CCDC47: variants seen among roughly 807,000 people sequenced by gnomAD.
CCDC47 encodes coiled-coil domain containing 47.
CCDC47 carries 41 observed loss-of-function variants against 60.5 expected under a neutral mutation model. The ratio of observed to expected loss-of-function variants is 0.68; its 90% CI spans 0.53 to 0.88. CCDC47 has a LOEUF of 0.88. Among genes scored for constraint, CCDC47 ranks in the 40% least tolerant of loss-of-function variants. The probability of loss-of-function intolerance (pLI) is 0.00; values close to 1 mark genes in which losing one functional copy is unlikely to be tolerated. For missense variants in CCDC47, 513 were observed against 580.9 expected (o/e 0.88, Z 1.20); for synonymous variants, 195 against 190.7 (o/e 1.02, Z -0.18).
chr17:63,750,502 C>T (rs1185646287), intron 12 of CCDC47, among the ~76,000 whole-genome samples: 5 of 152,108 alleles, frequency 3.3e-5, no homozygotes, highest in Non-Finnish European at 5.9e-5. Flanking sequence ...TTCTTGGACA[C>T]GTGACCCCTT....
rs754918316 is a variant in CCDC47 at position 63,752,066 on chromosome 17, C to G, written c.1245G>C (p.Glu415Asp). ...KADKNRARVE[E>D]NFLKLTHVQR... ...GCACATGTGTCAGTTTCAAGAAGTT[C>G]TCTTCTACTCGGGCACGGTTCTTAT... Residue 415 changes from glutamate to aspartate, a missense_variant, in exon 12 of 13, where the codon GAG (glutamate) becomes GAC (aspartate). Coordinates refer to ENST00000225726, the MANE Select transcript of CCDC47 (RefSeq NM_020198.3). 1.9e-6 allele frequency: 3 copies of G among 1,613,792 alleles called. No individual in the cohort carries two copies. Among genetic ancestry groups the G allele is most frequent in the South Asian group, 1.1e-5 (1 of 91,066 alleles).
At chr17:63,773,369 T>A (rs1010966908) in intron 1 of CCDC47, 43 bp downstream of exon 1, 1 of 152,298 alleles carries the variant, frequency 6.6e-6, no homozygotes, top group African/African-American at 2.4e-5. Context: ...CCGCTCGGCC[T>A]GGCCCGGCCA....
intron 6 of CCDC47, among the ~76,000 whole-genome samples, chr17:63,760,051 A>C: frequency 7.5e-6 from 1 of 133,678 alleles, no homozygotes; most frequent in South Asian, 2.6e-4. Flanking sequence ...CAACAGAGCA[A>C]GACTCCGTCT....
At chr17:63,760,851 AAAG>A in intron 6 of CCDC47, 60 bp downstream of exon 6, 90 of 1,219,948 alleles carry the variant, frequency 7.4e-5, no homozygotes, top group Middle Eastern at 1.9e-4. Context: ...AAAAAAAAAA[AAAG>A]AAAGAAAGAA....
At chr17:63,764,879 T>C (rs1169997945) in intron 2 of CCDC47, 32 bp from the exon 3 acceptor site, 1 of 1,597,528 alleles carries the variant, frequency 6.3e-7, no homozygotes, top group Non-Finnish European at 8.5e-7. Context: ...CGTTTTCCTC[T>C]ACAAATGTCA....
At chr17:63,749,291 C>G (rs2039144229) in intron 12 of CCDC47, among the ~76,000 whole-genome samples, 1 of 151,462 alleles carries the variant, frequency 6.6e-6, no homozygotes, top group Non-Finnish European at 1.5e-5. Context: ...ACCTGTAATC[C>G]CAGCTGAGGC....
At chr17:63,748,048 TTTC>T (rs1055908629) in intron 12 of CCDC47, among the ~76,000 whole-genome samples, 2 of 148,252 alleles carry the variant, frequency 1.3e-5, no homozygotes, top group Non-Finnish European at 2.9e-5. Flanking sequence ...AGAGACGGGG[TTTC>T]ACCATGTTGG....
At chr17:63,767,823 T>A (rs1481848076) in intron 1 of CCDC47, among the ~76,000 whole-genome samples, 1 of 152,180 alleles carries the variant, frequency 6.6e-6, no homozygotes, top group African/African-American at 2.4e-5. Context: ...GGTATCTGAA[T>A]TTCTCTATTC....
In CCDC47 at chr17:63,752,415, T is replaced by C; in HGVS notation, c.1108A>G (p.Asn370Asp). ...GCCTCCATATCCTTTGGGTAAGTGT[T>C]ACCTGAGCCAGGCACTGGAAAACAA... The part of the protein sequence containing the change: ...LFTFNVPGSG[N>D]TYPKDMEALL... Residue 370 changes from asparagine to aspartate, a missense_variant, in exon 11 of 13, where the codon AAC becomes GAC. Asn to Asp is a conservative substitution (Grantham distance 23, BLOSUM62 1). Transcript: ENST00000225726. The C allele has an allele frequency of 6.2e-7, 1 of 1,611,432 alleles. No homozygotes were observed.
intron 4 of CCDC47, 84 bp from the exon 5 acceptor site, chr17:63,761,435 A>G: frequency 6.7e-7 from 1 of 1,488,016 alleles, no homozygotes. Flanking sequence ...TAATCCCAGC[A>G]CTTTGGGAGG....
At chr17:63,747,794 A>G (rs1001778123) in intron 12 of CCDC47, 68 of 985,144 alleles carry the variant, frequency 6.9e-5, no homozygotes, top group Non-Finnish European at 8.0e-5. Context: ...AGTGCAACAA[A>G]TTAGGTTTCA....
At chr17:63,764,258 G>T in intron 3 of CCDC47, 68 bp from the exon 4 acceptor site, 1 of 1,162,318 alleles carries the variant, frequency 8.6e-7, no homozygotes, top group African/African-American at 1.6e-5. Context: ...CTCATGGCAG[G>T]AAGAATGAGA....
intron 1 of CCDC47, among the ~76,000 whole-genome samples, chr17:63,771,048 G>GGAAGGAAGAAAGAAAGAAAA (rs59152209): frequency 6.8e-6 from 1 of 147,606 alleles, no homozygotes; most frequent in Non-Finnish European, 1.5e-5. Flanking sequence ...AAGGAAGGAA[G>GGAAGGAAGAAAGAAAGAAAA]AAAGAAAGAA....
chr17:63,752,023 G>C lies in CCDC47; in HGVS notation c.1288C>G (p.Gln430Glu), dbSNP rs2039170520. Residue 430 changes from glutamine to glutamate, a missense_variant, in exon 12 of 13, where the codon CAG (glutamine) becomes GAG (glutamate). Gln to Glu is a conservative substitution (Grantham distance 29). Transcript: ENST00000225726. ...CTTTTTTTCTCCTCCCGCCGAGACT[G>C]TGCTGCTTCCTGTCTTTGCACATGT... ...LTHVQRQEAA[Q>E]SRREEKKRAE... 1 of 1,613,438 alleles carries C rather than the reference G, an allele frequency of 6.2e-7. No homozygotes were observed. Among genetic ancestry groups the C allele is most frequent in the Non-Finnish European group, 8.5e-7 (1 of 1,179,952 alleles).
chr17:63,766,557 G>A (rs2039299527), intron 1 of CCDC47, among the ~76,000 whole-genome samples: 1 of 152,130 alleles, frequency 6.6e-6, no homozygotes, highest in African/African-American at 2.4e-5. Flanking sequence ...CCGAGTAGCT[G>A]GGATTACAGG....
Position 63,755,602 on chromosome 17 carries a change from G to C in CCDC47, c.948+638C>G, listed in dbSNP as rs12451456. Among the ~76,000 whole-genome samples the C allele has an allele frequency of 4.1e-4, 63 of 152,046 alleles. No homozygotes were observed. The Middle Eastern group carries it at 0.014, about 33-fold the overall frequency. ...AAAGATAACACCTAAAATAATTTCA[G>C]GGGATCCTTTATAAACATGTCACCT... On this transcript the variant is annotated intron_variant, in intron 8 of 12. Transcript: ENST00000225726.
rs748163409 is a variant in CCDC47 at position 63,765,912 on chromosome 17, C to G, written c.264G>C (p.Gln88His). 3.7e-6 allele frequency: 6 copies of G among 1,607,482 alleles called. No individual in the cohort carries two copies. Among genetic ancestry groups the G allele is most frequent in the East Asian group, 2.2e-5 (1 of 44,770 alleles). Reference sequence around the variant, plus strand: ...AATAAATTAATAAAAAGAGCCTCACCTGGGTATCTGCATCTTCAAAATCTC... The same window carrying G: ...AATAAATTAATAAAAAGAGCCTCACGTGGGTATCTGCATCTTCAAAATCTC... ...QEGDFEDADT[Q>H]EGDTESEPYD... Residue 88 changes from glutamine to histidine, a missense_variant and splice_region_variant, in exon 2 of 13, where the codon CAG becomes CAC. Gln to His is a conservative substitution (Grantham distance 24). Transcript: ENST00000225726.
At chr17:63,771,441 T>A (rs2144502673) in intron 1 of CCDC47, among the ~76,000 whole-genome samples, 1 of 152,196 alleles carries the variant, frequency 6.6e-6, no homozygotes, top group South Asian at 2.1e-4. Context: ...GAACTAAACA[T>A]TCTTTTTATA....
In CCDC47 at chr17:63,756,453, G is replaced by C; in HGVS notation, c.837+16C>G. 2 of 1,608,290 alleles carry C rather than the reference G, an allele frequency of 1.2e-6. No individual in the cohort carries two copies. The highest frequency in any genetic ancestry group is 1.3e-5 in the African/African-American group (1 of 74,912). ...CACAGTTCTACGTATATTTGAGTTGGAGCAACCTGACATACCAAATCCTGC... is the reference window on the plus strand; with the variant it reads ...CACAGTTCTACGTATATTTGAGTTGCAGCAACCTGACATACCAAATCCTGC... On this transcript the variant is annotated intron_variant, in intron 7 of 12. Transcript: ENST00000225726.
Sources: allele counts gnomAD v4.1 joint callset (sites outside exome capture counted in the v4.1 genomes callset), GRCh38; gene constraint gnomAD v4.1.1; transcripts MANE v1.5; gene names NCBI Gene and HGNC (gene_info 2026-07-23, HGNC 2026-07-21).